The following KIAA1217 variants were observed in gnomAD, a reference collection of about 807,000 sequenced individuals.
KIAA1217 encodes the protein KIAA1217, also known as sickle tail protein homolog.
In KIAA1217, 88 loss-of-function variants were observed where a neutral mutation model predicts 163.9. The observed-to-expected ratio is 0.54, with a 90% CI of 0.45 to 0.64. The LOEUF (loss-of-function observed/expected upper bound fraction) is 0.64, where lower values mean the gene tolerates loss of function less well. KIAA1217 is among the 30% of genes least tolerant of loss of function. The pLI is 0.00. For synonymous variants in KIAA1217, 903 were observed against 923.1 expected, an observed-to-expected ratio of 0.98 and a Z score of 0.39; for missense variants, 2,372 against 2,475.0, an observed-to-expected ratio of 0.96 and a Z score of 0.88.
intron 2 of KIAA1217, among the ~76,000 whole-genome samples, chr10:24,378,345 G>C (rs752112339): frequency 9.9e-5 from 15 of 152,128 alleles, no homozygotes; most frequent in Admixed American, 2.6e-4. Context: ...GGAAAGACCA[G>C]GCTGGGAGTG....
At chr10:24,131,862 C>T (rs1265653829) in intron 2 of KIAA1217, among the ~76,000 whole-genome samples, 1 of 152,100 alleles carries the variant, frequency 6.6e-6, no homozygotes, top group Non-Finnish European at 1.5e-5. Context: ...ATTTCCTTAG[C>T]TTGATTTTAG....
chr10:24,111,097 G>T (rs2062827192), intron 2 of KIAA1217, among the ~76,000 whole-genome samples: 1 of 151,972 alleles, frequency 6.6e-6, no homozygotes, highest in Non-Finnish European at 1.5e-5. Flanking sequence ...TTAGCTATTT[G>T]GTACAAAATA....
intron 1 of KIAA1217, among the ~76,000 whole-genome samples, chr10:23,710,850 C>G (rs765263073): frequency 2.0e-5 from 3 of 152,120 alleles, no homozygotes; most frequent in Non-Finnish European, 4.4e-5. Context: ...TATAGGGAAC[C>G]GGGTCACCAT....
intron 2 of KIAA1217, among the ~76,000 whole-genome samples, chr10:24,318,498 A>G (rs144079453): frequency 7.4e-4 from 112 of 152,264 alleles, no homozygotes; most frequent in Admixed American, 1.7e-3. Flanking sequence ...TTCCCAGCAG[A>G]TTGTGGATTT....
intron 1 of KIAA1217, among the ~76,000 whole-genome samples, chr10:23,911,106 G>A (rs1842410091): frequency 6.6e-6 from 1 of 152,178 alleles, no homozygotes; most frequent in South Asian, 2.1e-4. Flanking sequence ...ATTCTAGGAT[G>A]CAGGTATCAC....
intron 2 of KIAA1217, among the ~76,000 whole-genome samples, chr10:24,341,159 A>G (rs952228256): frequency 1.1e-4 from 16 of 152,250 alleles, no homozygotes; most frequent in African/African-American, 2.7e-4. Context: ...AAACCAAGAA[A>G]TGCATTCTCC....
chr10:23,882,703 ACTCT>A (rs1323948280), intron 1 of KIAA1217, among the ~76,000 whole-genome samples: 1 of 151,838 alleles, frequency 6.6e-6, no homozygotes, highest in Non-Finnish European at 1.5e-5. Flanking sequence ...TCTGGGAATT[ACTCT>A]CAGCAATGTT....
chr10:24,346,758 T>C (rs2047838777), intron 2 of KIAA1217, among the ~76,000 whole-genome samples: 1 of 151,096 alleles, frequency 6.6e-6, no homozygotes, highest in African/African-American at 2.4e-5. Flanking sequence ...TTTAGTGGAG[T>C]TGGGGTTTTG....
At chr10:23,772,244 T>A (rs1229772364) in intron 1 of KIAA1217, among the ~76,000 whole-genome samples, 1 of 152,200 alleles carries the variant, frequency 6.6e-6, no homozygotes, top group Non-Finnish European at 1.5e-5. Flanking sequence ...ATACCCAACG[T>A]CCTTGGTTAG....
Position 24,524,445 on chromosome 10 carries a change from G to A in KIAA1217, c.2579G>A (p.Gly860Asp). The A allele has an allele frequency of 6.2e-7, 1 of 1,614,194 alleles. No individual in the cohort carries two copies. The highest frequency in any genetic ancestry group is 1.1e-5 in the South Asian group (1 of 91,090). Residue 860 changes from glycine (G) to aspartate (D), a missense_variant, in exon 13 of 21, where the codon GGC becomes GAC. Physicochemically the swap from Gly to Asp is moderately conservative, Grantham distance 94. This residue lies in a region of KIAA1217 where 1,431 missense variants were observed against 1,470.3 expected (regional missense o/e 0.97). Coordinates refer to ENST00000376454, the MANE Select transcript of KIAA1217 (RefSeq NM_019590.5). ...KSQEEAAHTS[G>D]QPFHSTGAPG... ...CAGGAGGAGGCAGCCCACACCTCCG[G>A]CCAGCCCTTCCACAGCACAGGTGCC...
In KIAA1217 at chr10:23,857,104, G is replaced by A. The variant is rs569896423; in HGVS notation, c.-320-150121G>A. 6.2e-3 allele frequency among the ~76,000 whole-genome samples: 946 copies of A among 152,358 alleles called. 9 individuals are homozygous for A. Among genetic ancestry groups the A allele is most frequent in the Non-Finnish European group, 9.4e-3 (641 of 68,032 alleles). Reference sequence around the variant, plus strand: ...GCAGAAATCACCCGTCTTCTGTGTCGCTCAGGCTGGGAGCTGTAGACTGGA... The same window carrying A: ...GCAGAAATCACCCGTCTTCTGTGTCACTCAGGCTGGGAGCTGTAGACTGGA... On this transcript the variant is annotated intron_variant, in intron 1 of 18. Coordinates refer to the KIAA1217 transcript ENST00000376462.
At chr10:24,165,669 A>G (rs1028203009) in intron 2 of KIAA1217, among the ~76,000 whole-genome samples, 3 of 152,212 alleles carry the variant, frequency 2.0e-5, no homozygotes, top group Admixed American at 6.5e-5. Flanking sequence ...ACTCCAAGTG[A>G]CCACAAGTTT....
intron 1 of KIAA1217, among the ~76,000 whole-genome samples, chr10:23,733,185 G>A (rs940768229): frequency 1.3e-5 from 2 of 151,896 alleles, no homozygotes; most frequent in African/African-American, 4.8e-5. Flanking sequence ...GGCTAATTTT[G>A]TATTTTTAGT....
chr10:24,277,447 C>G (rs2077429515), intron 2 of KIAA1217, among the ~76,000 whole-genome samples: 1 of 152,246 alleles, frequency 6.6e-6, no homozygotes, highest in South Asian at 2.1e-4. Context: ...ACAAGGCCAC[C>G]TGCTATGCAG....
intron 1 of KIAA1217, among the ~76,000 whole-genome samples, chr10:23,849,711 A>G (rs1209239350): frequency 2.0e-5 from 3 of 152,238 alleles, no homozygotes; most frequent in Non-Finnish European, 2.9e-5. Context: ...CTTAAAAAAA[A>G]GAGTTGCTCT....
chr10:23,905,750 C>T (rs1842136552), intron 1 of KIAA1217, among the ~76,000 whole-genome samples: 1 of 152,084 alleles, frequency 6.6e-6, no homozygotes, highest in African/African-American at 2.4e-5. Context: ...TCATTACCAC[C>T]ATCCCCAATG....
chr10:24,011,644 A>G (rs1044060843), intron 2 of KIAA1217, among the ~76,000 whole-genome samples: 1 of 152,170 alleles, frequency 6.6e-6, no homozygotes, highest in East Asian at 1.9e-4. Context: ...AGCAAAAGAA[A>G]TCAATTACAG....
At chr10:23,949,001 C>T (rs1032669006) in intron 1 of KIAA1217, among the ~76,000 whole-genome samples, 5 of 151,922 alleles carry the variant, frequency 3.3e-5, no homozygotes, top group African/African-American at 1.2e-4. Context: ...TTTGGTAGCA[C>T]AGATATGAAA....
intron 1 of KIAA1217, among the ~76,000 whole-genome samples, chr10:23,867,895 G>T (rs1436716728): frequency 6.6e-6 from 1 of 152,112 alleles, no homozygotes; most frequent in African/African-American, 2.4e-5. Flanking sequence ...TGTTGCCATT[G>T]CTTTGGTGTT....
Sources: gnomAD v4.1 joint callset for allele counts (sites outside exome capture counted in the v4.1 genomes callset) on GRCh38, gnomAD v4.1.1 for gene constraint, gnomAD v4.1.1 regional missense constraint, MANE v1.5 for transcripts, NCBI Gene and HGNC (gene_info 2026-07-23, HGNC 2026-07-21) for gene names.